RNGTT: variants seen among roughly 807,000 people sequenced by gnomAD.
RNGTT encodes the protein mRNA-capping enzyme.
In RNGTT, 33 loss-of-function variants were observed where a neutral mutation model predicts 79.3. The ratio of observed to expected loss-of-function variants is 0.42; its 90% CI spans 0.32 to 0.56. The LOEUF (loss-of-function observed/expected upper bound fraction) is 0.56, where lower values mean the gene tolerates loss of function less well. Ranked by LOEUF, RNGTT falls within the 20% of genes least tolerant of loss-of-function variation. RNGTT has a pLI of 0.17. For synonymous variants in RNGTT, 222 were observed against 235.9 expected, an observed-to-expected ratio of 0.94 and a Z score of 0.54; for missense variants, 497 against 739.1, an observed-to-expected ratio of 0.67 and a Z score of 3.80.
intron 6 of RNGTT, among the ~76,000 whole-genome samples, chr6:88,894,744 G>A (rs571248057): frequency 6.6e-6 from 1 of 152,200 alleles, no homozygotes; most frequent in South Asian, 2.1e-4. Flanking sequence ...GCATAAAATA[G>A]TTAAATCTTT....
chr6:88,772,363 C>A (rs1332512337), intron 12 of RNGTT, among the ~76,000 whole-genome samples: 1 of 151,926 alleles, frequency 6.6e-6, no homozygotes, highest in East Asian at 1.9e-4. Context: ...GAACAATCTA[C>A]AGATTCAGTG....
chr6:88,857,758 G>A (rs1248112294), intron 8 of RNGTT, among the ~76,000 whole-genome samples: 4 of 152,058 alleles, frequency 2.6e-5, no homozygotes, highest in South Asian at 2.1e-4. Context: ...TATGTATATC[G>A]TAAATATAGA....
chr6:88,633,876 G>A (rs987433378), intron 14 of RNGTT, among the ~76,000 whole-genome samples: 5 of 152,068 alleles, frequency 3.3e-5, no homozygotes, highest in African/African-American at 9.7e-5. Flanking sequence ...AGAGGGGAGC[G>A]GAGGAACAGA....
chr6:88,727,008 G>C (rs1248435462), intron 13 of RNGTT, among the ~76,000 whole-genome samples: 1 of 151,370 alleles, frequency 6.6e-6, no homozygotes, highest in East Asian at 1.9e-4. Flanking sequence ...GGGGTGGGGG[G>C]GGAGAATTTA....
intron 13 of RNGTT, among the ~76,000 whole-genome samples, chr6:88,689,063 G>C (rs1168862356): frequency 6.6e-6 from 1 of 152,158 alleles, no homozygotes; most frequent in Non-Finnish European, 1.5e-5. Flanking sequence ...TTAGGTTTGG[G>C]GGGGAGTCAA....
intron 11 of RNGTT, among the ~76,000 whole-genome samples, chr6:88,835,407 A>G (rs1271178852): frequency 6.6e-6 from 1 of 152,218 alleles, no homozygotes; most frequent in Non-Finnish European, 1.5e-5. Flanking sequence ...ATAAAGAAAG[A>G]CAACATACTA....
At chr6:88,670,593 G>A (rs1774598825) in intron 14 of RNGTT, among the ~76,000 whole-genome samples, 1 of 152,150 alleles carries the variant, frequency 6.6e-6, no homozygotes, top group South Asian at 2.1e-4. Flanking sequence ...ATGGCCAGAT[G>A]GTTTAGTGCC....
intron 11 of RNGTT, among the ~76,000 whole-genome samples, chr6:88,819,954 C>G (rs969632016): frequency 1.3e-5 from 2 of 152,022 alleles, no homozygotes. Flanking sequence ...TTCTCAAAAC[C>G]CTATCTCCAC....
intron 13 of RNGTT, among the ~76,000 whole-genome samples, chr6:88,713,798 TATG>T (rs1460587630): frequency 3.3e-5 from 5 of 152,210 alleles, no homozygotes; most frequent in Admixed American, 2.6e-4. Flanking sequence ...AAACAGGAGA[TATG>T]ATAATGATTT....
intron 13 of RNGTT, among the ~76,000 whole-genome samples, chr6:88,747,297 A>G (rs1777691171): frequency 6.6e-6 from 1 of 152,194 alleles, no homozygotes; most frequent in Non-Finnish European, 1.5e-5. Context: ...GCTGTGAACA[A>G]TTATAAACCT....
chr6:88,814,637 T>C (rs1780258140), intron 11 of RNGTT, among the ~76,000 whole-genome samples: 1 of 152,188 alleles, frequency 6.6e-6, no homozygotes. Flanking sequence ...TAGAAAAGCA[T>C]GACCTATCAG....
intron 6 of RNGTT, among the ~76,000 whole-genome samples, chr6:88,894,916 A>T (rs1335284386): frequency 6.6e-6 from 1 of 152,090 alleles, no homozygotes; most frequent in Non-Finnish European, 1.5e-5. Context: ...TAAAAATAAA[A>T]AATAAATAAT....
At chr6:88,866,019 C>A (rs1325044921) in intron 8 of RNGTT, among the ~76,000 whole-genome samples, 2 of 152,100 alleles carry the variant, frequency 1.3e-5, no homozygotes, top group Non-Finnish European at 2.9e-5. Context: ...TAAAAATTGA[C>A]TGATAAAGTC....
chr6:88,736,656 A>G (rs1030201052), intron 13 of RNGTT, among the ~76,000 whole-genome samples: 2 of 152,220 alleles, frequency 1.3e-5, no homozygotes, highest in Non-Finnish European at 2.9e-5. Flanking sequence ...CTGTCTGTTC[A>G]TATTTCAAAA....
At chr6:88,806,807 G>A (rs998090620) in intron 11 of RNGTT, among the ~76,000 whole-genome samples, 1 of 152,114 alleles carries the variant, frequency 6.6e-6, no homozygotes. Flanking sequence ...ATTCATTGCA[G>A]CACTATTTAT....
intron 4 of RNGTT, among the ~76,000 whole-genome samples, chr6:88,908,100 T>G (rs1268553542): frequency 6.6e-6 from 1 of 152,128 alleles, no homozygotes; most frequent in Non-Finnish European, 1.5e-5. Context: ...ACTGATACAG[T>G]GCAACTAAGA....
intron 14 of RNGTT, among the ~76,000 whole-genome samples, chr6:88,645,142 C>A (rs1273234143): frequency 6.6e-5 from 10 of 152,222 alleles, no homozygotes; most frequent in African/African-American, 2.4e-4. Flanking sequence ...AGCTGACAGG[C>A]AACTTCAGCA....
At chr6:88,648,440 T>C (rs1443655474) in intron 14 of RNGTT, among the ~76,000 whole-genome samples, 1 of 151,640 alleles carries the variant, frequency 6.6e-6, no homozygotes, top group East Asian at 1.9e-4. Flanking sequence ...AACTTGCACA[T>C]TGTGCACATG....
intron 13 of RNGTT, chr6:88,714,227 C>A (rs1776421285): frequency 6.6e-6 from 1 of 152,138 alleles, no homozygotes; most frequent in African/African-American, 2.4e-5. Flanking sequence ...ATTATTGAAA[C>A]TGACCTTTTA....
Sources: gnomAD v4.1 joint callset for allele counts (sites outside exome capture counted in the v4.1 genomes callset) on GRCh38, gnomAD v4.1.1 for gene constraint, MANE v1.5 for transcripts, NCBI Gene and HGNC (gene_info 2026-07-23, HGNC 2026-07-21) for gene names.